SDCCAG8: variants seen among roughly 807,000 people sequenced by gnomAD.
SDCCAG8 encodes SHH signaling and ciliogenesis regulator SDCCAG8, also known as serologically defined colon cancer antigen 8.
Under a neutral mutation model 101.8 loss-of-function variants are expected in SDCCAG8, and 74 were observed. The ratio of observed to expected loss-of-function variants is 0.73; its 90% CI spans 0.60 to 0.88. The LOEUF (loss-of-function observed/expected upper bound fraction) is 0.88, where lower values mean the gene tolerates loss of function less well. Among genes scored for constraint, SDCCAG8 ranks in the 40% least tolerant of loss-of-function variants. SDCCAG8 has a pLI of 0.00. For synonymous variants in SDCCAG8, 281 were observed against 292.9 expected, an observed-to-expected ratio of 0.96 and a Z score of 0.41; for missense variants, 787 against 822.6, an observed-to-expected ratio of 0.96 and a Z score of 0.53.
At chr1:243,266,784 A>AAAAAAAG (rs1304962243) in intron 1 of SDCCAG8, among the ~76,000 whole-genome samples, 4 of 148,928 alleles carry the variant, frequency 2.7e-5, no homozygotes, top group Admixed American at 6.7e-5. Flanking sequence ...TACAAAAAAA[A>AAAAAAAG]AAAAAGAAAT....
At chr1:243,430,982 A>T (rs2081719491) in intron 16 of SDCCAG8, among the ~76,000 whole-genome samples, 1 of 151,438 alleles carries the variant, frequency 6.6e-6, no homozygotes, top group African/African-American at 2.4e-5. Context: ...GTGGATCATG[A>T]GGTCAGGAGT....
At chr1:243,354,871 C>T (rs1267120537) in intron 12 of SDCCAG8, among the ~76,000 whole-genome samples, 4 of 152,168 alleles carry the variant, frequency 2.6e-5, no homozygotes, top group Non-Finnish European at 4.4e-5. Context: ...TTGCAATTGT[C>T]TTAGAGGTTT....
intron 13 of SDCCAG8, among the ~76,000 whole-genome samples, chr1:243,398,450 T>C (rs1452376690): frequency 6.6e-6 from 1 of 152,212 alleles, no homozygotes; most frequent in Non-Finnish European, 1.5e-5. Flanking sequence ...TAAAAGGAAG[T>C]TGATGACCTG....
chr1:243,377,614 G>T (rs1295916946), intron 12 of SDCCAG8, among the ~76,000 whole-genome samples: 11 of 151,890 alleles, frequency 7.2e-5, no homozygotes, highest in Non-Finnish European at 1.5e-4. Flanking sequence ...AAATGTAAAT[G>T]AATTATTTAA....
In SDCCAG8 at chr1:243,420,060, G is replaced by T. The variant is rs567738845; in HGVS notation, c.1853+1984G>T. On this transcript the variant is annotated intron_variant, in intron 15 of 17. Coordinates refer to ENST00000366541, the MANE Select transcript of SDCCAG8 (RefSeq NM_006642.5). Reference sequence around the variant, plus strand: ...TGAATGAATGAAACAAATAGGTGTGGTGCTATTCGCACCTCCTGATCTGAC... The same window carrying T: ...TGAATGAATGAAACAAATAGGTGTGTTGCTATTCGCACCTCCTGATCTGAC... Among the ~76,000 whole-genome samples the T allele has an allele frequency of 1.6e-4, 25 of 152,296 alleles. No individual in the cohort carries two copies. In the Middle Eastern group the frequency reaches 0.01, roughly 62 times the overall value.
intron 6 of SDCCAG8, among the ~76,000 whole-genome samples, chr1:243,298,118 A>G (rs2071122547): frequency 1.3e-5 from 2 of 148,524 alleles, no homozygotes; most frequent in Non-Finnish European, 1.5e-5. Flanking sequence ...GTGCGATCTC[A>G]GCTCACTGCA....
At chr1:243,314,267 GT>G (rs1227548193) in intron 8 of SDCCAG8, among the ~76,000 whole-genome samples, 1 of 152,138 alleles carries the variant, frequency 6.6e-6, no homozygotes, top group East Asian at 1.9e-4. Flanking sequence ...GAGTGTAATC[GT>G]TTTGTGGTCT....
chr1:243,345,641 C>T (rs546151533), intron 12 of SDCCAG8, among the ~76,000 whole-genome samples: 3 of 152,214 alleles, frequency 2.0e-5, no homozygotes, highest in Non-Finnish European at 2.9e-5. Flanking sequence ...ATTCTGACAG[C>T]ATAATATTTT....
At chr1:243,268,088 G>A (rs1254872357) in intron 1 of SDCCAG8, 3 of 721,796 alleles carry the variant, frequency 4.2e-6, no homozygotes, top group Non-Finnish European at 7.6e-6. Context: ...CTTCATGGTT[G>A]TATAGTTCCT....
chr1:243,374,800 A>G (rs1387942235), intron 12 of SDCCAG8, among the ~76,000 whole-genome samples: 2 of 152,130 alleles, frequency 1.3e-5, no homozygotes, highest in Non-Finnish European at 2.9e-5. Flanking sequence ...CAGAAGATAG[A>G]GATCAACCAG....
At chr1:243,339,502 A>T (rs894695512) in intron 10 of SDCCAG8, among the ~76,000 whole-genome samples, 1 of 152,184 alleles carries the variant, frequency 6.6e-6, no homozygotes, top group African/African-American at 2.4e-5. Context: ...TAATGTGCCC[A>T]AGAATATTTT....
At chr1:243,332,409 G>A (rs1327638334) in intron 10 of SDCCAG8, among the ~76,000 whole-genome samples, 1 of 152,240 alleles carries the variant, frequency 6.6e-6, no homozygotes, top group African/African-American at 2.4e-5. Flanking sequence ...AGATCAGCTG[G>A]AGGTCATTAT....
In SDCCAG8 at chr1:243,357,486, T is replaced by C. The variant is rs986256068; in HGVS notation, c.1473+13155T>C. ...AAAGGCTTCAGATAATAAAGAGCAA[T>C]GGCTTGGTGGGCACCAAGGGTCAGA... is the stretch of plus-strand genomic sequence containing the variant. On this transcript the variant is annotated intron_variant, in intron 12 of 17. Transcript: ENST00000366541. Among the ~76,000 whole-genome samples the C allele has an allele frequency of 3.3e-5, 5 of 152,222 alleles. No individual in the cohort carries two copies. The East Asian group carries it at 9.7e-4, about 29-fold the overall frequency.
chr1:243,486,054 C>T (rs531243063), intron 16 of SDCCAG8, among the ~76,000 whole-genome samples: 13 of 151,392 alleles, frequency 8.6e-5, no homozygotes, highest in South Asian at 2.1e-4. Flanking sequence ...CAAAATTAGC[C>T]GCCGTTGTGG....
intron 8 of SDCCAG8, among the ~76,000 whole-genome samples, chr1:243,316,467 A>C (rs2073243660): frequency 6.6e-6 from 1 of 152,144 alleles, no homozygotes; most frequent in African/African-American, 2.4e-5. Context: ...ACTTTTAAAA[A>C]ACTAATTTGC....
intron 14 of SDCCAG8, 117 bp downstream of exon 14, chr1:243,415,946 C>T: frequency 1.7e-6 from 2 of 1,174,404 alleles, no homozygotes; most frequent in Non-Finnish European, 2.4e-6. Context: ...GGAGCAGATG[C>T]TAACTACACC....
chr1:243,424,923 TC>T lies in SDCCAG8; in HGVS notation c.1854-1503del, dbSNP rs1271236373. 2.0e-5 allele frequency among the ~76,000 whole-genome samples: 3 copies of T among 152,242 alleles called. No individual in the cohort carries two copies. In the East Asian group the frequency reaches 5.8e-4, roughly 29 times the overall value. ...TCTAATCTGGTTTAAGGATTTTTTT[TC>T]TTCTTTTGAAATTTATTTTAGTGCA... On this transcript the variant is annotated intron_variant, in intron 15 of 17. Coordinates refer to ENST00000366541, the MANE Select transcript of SDCCAG8 (RefSeq NM_006642.5).
intron 16 of SDCCAG8, among the ~76,000 whole-genome samples, chr1:243,478,725 G>C (rs749743643): frequency 6.6e-6 from 1 of 152,186 alleles, no homozygotes; most frequent in Non-Finnish European, 1.5e-5. Context: ...TTGGGAAGCT[G>C]AGGTGGGCGG....
intron 17 of SDCCAG8, among the ~76,000 whole-genome samples, chr1:243,493,846 A>G (rs931550804): frequency 3.3e-5 from 5 of 151,844 alleles, no homozygotes; most frequent in African/African-American, 1.2e-4. Context: ...GACACAGAAG[A>G]TGATGAAGGG....
Sources: allele counts gnomAD v4.1 joint callset (sites outside exome capture counted in the v4.1 genomes callset), GRCh38; gene constraint gnomAD v4.1.1; transcripts MANE v1.5; gene names NCBI Gene and HGNC (gene_info 2026-07-23, HGNC 2026-07-21).